ERCC6L2: variants seen among roughly 807,000 people sequenced by gnomAD.
The protein encoded by ERCC6L2 is ERCC excision repair 6 like 2, also known as DNA excision repair protein ERCC-6-like 2.
In ERCC6L2, 77 loss-of-function variants were observed where a neutral mutation model predicts 132.0. The observed-to-expected ratio is 0.58, with a 90% CI of 0.49 to 0.71. ERCC6L2 has a LOEUF of 0.71. Among genes scored for constraint, ERCC6L2 ranks in the 30% least tolerant of loss-of-function variants. The probability of loss-of-function intolerance (pLI) is 0.00; values close to 1 mark genes in which losing one functional copy is unlikely to be tolerated. For missense variants in ERCC6L2, 1,542 were observed against 1,837.6 expected (o/e 0.84, Z 2.94); for synonymous variants, 583 against 632.4 (o/e 0.92, Z 1.17).
chr9:95,967,696 A>G (rs573552989), intron 14 of ERCC6L2: 1 of 152,242 alleles, frequency 6.6e-6, no homozygotes, highest in South Asian at 2.1e-4. Context: ...CTGAGTTTCT[A>G]TTTTATAGTA....
rs1832465195 is a variant in ERCC6L2, at chr9:95,972,550, A to G, written c.2799A>G (p.Thr933=). Residue 933 remains threonine (T), a synonymous_variant, in exon 16 of 19, where the codon ACA becomes ACG. Coordinates refer to ENST00000653738, the MANE Select transcript of ERCC6L2 (RefSeq NM_020207.7). ...TGGAAGGATCTGAGGATTCTGAAACAGAACACACTGTAAAAACAAGAAATA... is the reference window on the plus strand; with the variant it reads ...TGGAAGGATCTGAGGATTCTGAAACGGAACACACTGTAAAAACAAGAAATA... The part of the protein sequence containing the change: ...PPLEGSEDSE[T]EHTVKTRNND... The G allele has an allele frequency of 2.3e-6, 3 of 1,289,872 alleles. No homozygotes were observed. The highest frequency in any genetic ancestry group is 3.0e-6 in the Non-Finnish European group (3 of 988,864). 79.9% of individuals were successfully genotyped at this position (1,289,872 alleles called of 1,614,324 possible). A position where few individuals can be genotyped will look rare whatever the true frequency, so the allele number is the denominator to read the frequency against.
chr9:96,000,045 C>T (rs1013431216), intron 17 of ERCC6L2, among the ~76,000 whole-genome samples: 6 of 151,944 alleles, frequency 3.9e-5, no homozygotes, highest in African/African-American at 1.2e-4. Flanking sequence ...CATACCACCA[C>T]ACCCAGCCAA....
At position 95,875,961 on chromosome 9, in the gene ERCC6L2, G is replaced by C. The variant is rs951631275; in HGVS notation, c.-78G>C. The C allele has an allele frequency of 4.7e-6, 7 of 1,503,452 alleles. No homozygotes were observed. Among genetic ancestry groups the C allele is most frequent in the East Asian group, 2.5e-5 (1 of 40,390 alleles). 93.1% of individuals were successfully genotyped at this position (1,503,452 alleles called of 1,614,324 possible). A position where few individuals can be genotyped will look rare whatever the true frequency, so the allele number is the denominator to read the frequency against. ...AAGTGGCGTTGGCCGCCATTGGCCT[G>C]CCGGCCAGCCACCTTGCTGTCCTCC... On this transcript the variant is annotated 5_prime_UTR_variant, in exon 1 of 19. Transcript: ENST00000653738.
intron 2 of ERCC6L2, among the ~76,000 whole-genome samples, chr9:95,885,925 T>C (rs1219497376): frequency 1.3e-5 from 2 of 152,224 alleles, no homozygotes; most frequent in Non-Finnish European, 2.9e-5. Flanking sequence ...GGTGTGTTTT[T>C]CAGAGGGTTA....
intron 11 of ERCC6L2, among the ~76,000 whole-genome samples, chr9:95,940,082 G>A (rs1456150926): frequency 1.3e-5 from 2 of 152,178 alleles, no homozygotes; most frequent in Non-Finnish European, 2.9e-5. Flanking sequence ...TCATTGGGAA[G>A]AAAACGAAAG....
At chr9:96,001,506 C>T (rs529825815) in intron 17 of ERCC6L2, among the ~76,000 whole-genome samples, 1 of 152,334 alleles carries the variant, frequency 6.6e-6, no homozygotes, top group Non-Finnish European at 1.5e-5. Flanking sequence ...TTGGTGCATT[C>T]ACAAACCTTG....
intron 12 of ERCC6L2, among the ~76,000 whole-genome samples, chr9:95,954,308 T>C (rs955424671): frequency 6.6e-6 from 1 of 152,196 alleles, no homozygotes; most frequent in Non-Finnish European, 1.5e-5. Flanking sequence ...ACTTTTTCAT[T>C]AGGTCATCGA....
intron 18 of ERCC6L2, among the ~76,000 whole-genome samples, chr9:96,006,842 A>C (rs1833879891): frequency 6.6e-6 from 1 of 152,176 alleles, no homozygotes; most frequent in South Asian, 2.1e-4. Context: ...GTTAGGAAAC[A>C]AATCATTTAT....
intron 12 of ERCC6L2, among the ~76,000 whole-genome samples, chr9:95,949,562 GA>G (rs199673950): frequency 9.4e-5 from 14 of 149,378 alleles, no homozygotes; most frequent in South Asian, 2.1e-4. Flanking sequence ...TGTATTGGGG[GA>G]AAAAAAAACA....
At chr9:95,933,048 T>G (rs1830408752) in intron 11 of ERCC6L2, among the ~76,000 whole-genome samples, 1 of 152,132 alleles carries the variant, frequency 6.6e-6, no homozygotes, top group South Asian at 2.1e-4. Flanking sequence ...GAGCTTTGCT[T>G]CTTCAGCAAG....
At chr9:96,023,869 G>A (rs78684571) in intron 19 of ERCC6L2, among the ~76,000 whole-genome samples, 16,354 of 152,218 alleles carry the variant, frequency 0.11, 959 homozygotes, top group African/African-American at 0.13. Flanking sequence ...TTCTGGAACC[G>A]AGGATTGCAG....
intron 17 of ERCC6L2, among the ~76,000 whole-genome samples, chr9:96,000,160 T>G (rs1732415602): frequency 6.6e-6 from 1 of 152,158 alleles, no homozygotes; most frequent in Non-Finnish European, 1.5e-5. Context: ...GTGCTGGGAT[T>G]ACAGGTGTGA....
intron 13 of ERCC6L2, among the ~76,000 whole-genome samples, chr9:95,965,743 G>A (rs996920863): frequency 1.3e-5 from 2 of 151,998 alleles, no homozygotes; most frequent in African/African-American, 4.8e-5. Flanking sequence ...CAAATCAAGT[G>A]TTCCTCCTGC....
intron 8 of ERCC6L2, among the ~76,000 whole-genome samples, 173 bp from the exon 9 acceptor site, chr9:95,923,087 C>T (rs962024771): frequency 2.6e-5 from 4 of 152,062 alleles, no homozygotes; most frequent in South Asian, 2.1e-4. Context: ...CAGTGCCATA[C>T]GTTTAACATA....
rs555850485 is a variant in ERCC6L2, at chr9:95,895,266, T to C, written c.472-2583T>C. Among the ~76,000 whole-genome samples the C allele has an allele frequency of 1.8e-4, 27 of 152,280 alleles. No individual in the cohort carries two copies. In the South Asian group the frequency reaches 3.7e-3, roughly 21 times the overall value. On this transcript the variant is annotated intron_variant, in intron 2 of 18. Coordinates refer to ENST00000653738, the MANE Select transcript of ERCC6L2 (RefSeq NM_020207.7). ...TATAGCTATATCAATTTTCTTTGATTTTTGTTTACATGGTCTGTCATTTTT... is the reference window on the plus strand; with the variant it reads ...TATAGCTATATCAATTTTCTTTGATCTTTGTTTACATGGTCTGTCATTTTT...
intron 17 of ERCC6L2, among the ~76,000 whole-genome samples, chr9:95,984,595 T>G (rs180951077): frequency 2.0e-5 from 3 of 152,284 alleles, no homozygotes; most frequent in Admixed American, 6.5e-5. Flanking sequence ...GTCCTGTGAT[T>G]ATTCTAAAGT....
At chr9:95,886,950 G>A (rs689860) in intron 2 of ERCC6L2, among the ~76,000 whole-genome samples, 53,126 of 152,068 alleles carry the variant, frequency 0.35, 9,319 homozygotes, top group East Asian at 0.48. Context: ...GATGCTTCCT[G>A]TCCTTGAACG....
In ERCC6L2 at chr9:96,013,968, C is replaced by G. The variant is rs1834119847; in HGVS notation, c.*765C>G. On this transcript the variant is annotated 3_prime_UTR_variant, in exon 19 of 19. Transcript: ENST00000653738. Reference sequence around the variant, plus strand: ...TCTTAAGTATGAAGAAATGGGTAAACTTTTTATTTTGTTAGAAACTGTTAT... The same window carrying G: ...TCTTAAGTATGAAGAAATGGGTAAAGTTTTTATTTTGTTAGAAACTGTTAT... 6.6e-6 allele frequency: 1 copy of G among 152,076 alleles called. No individual in the cohort carries two copies. The highest frequency in any genetic ancestry group is 2.1e-4 in the South Asian group (1 of 4,824). The allele number at this position is 152,076 out of a possible 1,614,324, so 9.4% of individuals were successfully genotyped here. A position where few individuals can be genotyped will look rare whatever the true frequency, so the allele number is the denominator to read the frequency against.
chr9:96,011,895 A>G (rs1373334192), intron 18 of ERCC6L2, among the ~76,000 whole-genome samples: 3 of 152,260 alleles, frequency 2.0e-5, no homozygotes, highest in Non-Finnish European at 2.9e-5. Context: ...TCTATAAATC[A>G]TGATCCTCAT....
Sources: allele counts gnomAD v4.1 joint callset (sites outside exome capture counted in the v4.1 genomes callset), GRCh38; gene constraint gnomAD v4.1.1; transcripts MANE v1.5; gene names NCBI Gene and HGNC (gene_info 2026-07-23, HGNC 2026-07-21).